The following GPC3 variants were observed in gnomAD, a reference collection of about 807,000 sequenced individuals.
The protein encoded by GPC3 is glypican 3.
Under a neutral mutation model 34.4 loss-of-function variants are expected in GPC3, and 3 were observed. That is an observed-to-expected ratio of 0.09 (90% CI 0.04 to 0.23). The LOEUF (loss-of-function observed/expected upper bound fraction) is 0.23, where lower values mean the gene tolerates loss of function less well. Among genes scored for constraint, GPC3 ranks in the 10% least tolerant of loss-of-function variants. GPC3 has a pLI of 1.00. For missense variants in GPC3, 351 were observed against 445.6 expected (o/e 0.79, Z 1.91); for synonymous variants, 177 against 174.0 (o/e 1.02, Z -0.13).
chrX:133,607,100 A>T (rs1296670224), intron 6 of GPC3, among the ~76,000 whole-genome samples: 2 of 110,810 alleles, frequency 1.8e-5, no homozygotes, highest in African/African-American at 6.6e-5. Flanking sequence ...CTCTTAGTTG[A>T]TCTATATGGG....
At chrX:133,889,594 T>C (rs1002685681) in intron 2 of GPC3, among the ~76,000 whole-genome samples, 1 of 111,552 alleles carries the variant, frequency 9.0e-6, no homozygotes, top group African/African-American at 3.3e-5. Flanking sequence ...ATACATTCCC[T>C]TTTTGGATTG....
At chrX:133,697,589 A>AC (rs1488380439) in intron 4 of GPC3, among the ~76,000 whole-genome samples, 2 of 110,891 alleles carry the variant, frequency 1.8e-5, no homozygotes, top group East Asian at 2.8e-4. Flanking sequence ...TTTGGCACTC[A>AC]CCCCCCAATG....
In GPC3 at chrX:133,671,050, TC is replaced by T. The variant is rs1218584691; in HGVS notation, c.1293-9201del. On this transcript the variant is annotated intron_variant, in intron 5 of 7. Coordinates refer to ENST00000370818, the MANE Select transcript of GPC3 (RefSeq NM_004484.4). Reference sequence around the variant, plus strand: ...CAGGGGAAACAAATGGTCATTGATGTCCTTGACCCCAGGAAGGCAACAGTGC... The same window carrying T: ...CAGGGGAAACAAATGGTCATTGATGTCTTGACCCCAGGAAGGCAACAGTGC... 1.1e-5 allele frequency: 6 copies of T among 560,124 alleles called. 1 individual carries two copies. In the Admixed American group the frequency reaches 1.3e-4, roughly 13 times the overall value. The allele number at this position is 560,124 out of a possible 1,213,427, so 46.2% of individuals were successfully genotyped here.
At chrX:133,796,919 G>T (rs750056000) in intron 2 of GPC3, among the ~76,000 whole-genome samples, 7 of 110,995 alleles carry the variant, frequency 6.3e-5, no homozygotes, top group Non-Finnish European at 1.3e-4. Context: ...AAGCTCCTAG[G>T]ATACACAGTG....
chrX:133,950,041 A>G (rs916218198), intron 2 of GPC3, among the ~76,000 whole-genome samples: 1 of 112,004 alleles, frequency 8.9e-6, no homozygotes, highest in Admixed American at 9.5e-5. Context: ...CACTATTGTT[A>G]TCATCATAAC....
intron 3 of GPC3, among the ~76,000 whole-genome samples, chrX:133,723,237 G>A (rs1443242067): frequency 1.8e-5 from 2 of 111,149 alleles, no homozygotes; most frequent in South Asian, 7.7e-4. Context: ...CATGGACATC[G>A]GAGCTGGCAG....
chrX:133,979,549 G>C (rs763668597), intron 1 of GPC3, among the ~76,000 whole-genome samples: 1 of 111,598 alleles, frequency 9.0e-6, no homozygotes, highest in East Asian at 2.8e-4. Context: ...TTCAAGTAAG[G>C]CTACAATGTT....
intron 2 of GPC3, among the ~76,000 whole-genome samples, chrX:133,821,826 A>AT (rs2075720351): frequency 8.9e-6 from 1 of 112,128 alleles, no homozygotes; most frequent in Non-Finnish European, 1.9e-5. Flanking sequence ...CAAATAAAGT[A>AT]TTAATAATCC....
intron 2 of GPC3, among the ~76,000 whole-genome samples, chrX:133,825,666 T>G (rs181018233): frequency 4.5e-5 from 5 of 111,604 alleles, no homozygotes; most frequent in African/African-American, 1.6e-4. Flanking sequence ...GCTTTGGAAA[T>G]CTTAGACATA....
chrX:133,705,477 G>T (rs1338286384), intron 3 of GPC3, among the ~76,000 whole-genome samples: 1 of 112,091 alleles, frequency 8.9e-6, no homozygotes, highest in Non-Finnish European at 1.9e-5. Flanking sequence ...CACAGAATGG[G>T]TATTATTAGC....
chrX:133,630,347 C>G (rs1270754205), intron 6 of GPC3, among the ~76,000 whole-genome samples: 3 of 111,878 alleles, frequency 2.7e-5, no homozygotes, highest in African/African-American at 9.7e-5. Context: ...ACCATGACAT[C>G]CTCCTTTAAC....
At chrX:133,925,286 G>C (rs918899925) in intron 2 of GPC3, among the ~76,000 whole-genome samples, 2 of 110,294 alleles carry the variant, frequency 1.8e-5, no homozygotes. Flanking sequence ...AAATCCAGTG[G>C]ATATACTGAT....
intron 1 of GPC3, among the ~76,000 whole-genome samples, chrX:133,978,277 T>C (rs2076524806): frequency 2.7e-5 from 3 of 112,069 alleles, no homozygotes; most frequent in African/African-American, 9.7e-5. Flanking sequence ...CTTGATGCCT[T>C]AGGTAAGAAA....
At chrX:133,871,635 C>A (rs1030207346) in intron 2 of GPC3, among the ~76,000 whole-genome samples, 1 of 111,952 alleles carries the variant, frequency 8.9e-6, no homozygotes, top group East Asian at 2.8e-4. Flanking sequence ...TTAAAAATAC[C>A]AGGCAAGAGA....
intron 3 of GPC3, among the ~76,000 whole-genome samples, chrX:133,720,670 A>G (rs1029012637): frequency 1.8e-5 from 2 of 112,225 alleles, no homozygotes; most frequent in African/African-American, 6.5e-5. Context: ...TGGATAAAGA[A>G]AATATGATAT....
chrX:133,868,343 G>T (rs1015113602), intron 2 of GPC3, among the ~76,000 whole-genome samples: 58 of 112,268 alleles, frequency 5.2e-4, no homozygotes, highest in African/African-American at 1.6e-3. Flanking sequence ...CTGTGAGGGG[G>T]ATCAGGGAAC....
chrX:133,922,667 C>T (rs770769713), intron 2 of GPC3, among the ~76,000 whole-genome samples: 9 of 110,257 alleles, frequency 8.2e-5, no homozygotes, highest in African/African-American at 3.0e-4. Flanking sequence ...CACCAACCGC[C>T]CCCTTGCCCC....
At chrX:133,603,877 C>A (rs1034710328) in intron 6 of GPC3, among the ~76,000 whole-genome samples, 3 of 111,462 alleles carry the variant, frequency 2.7e-5, no homozygotes, top group Non-Finnish European at 5.6e-5. Context: ...TGTGCTTGGT[C>A]CATGGGAGAT....
intron 2 of GPC3, among the ~76,000 whole-genome samples, chrX:133,942,673 T>C (rs1290272205): frequency 9.0e-6 from 1 of 111,712 alleles, no homozygotes; most frequent in Non-Finnish European, 1.9e-5. Context: ...GTTTTTTCAT[T>C]TTCTCTAATT....
Sources: gnomAD v4.1 joint callset for allele counts (sites outside exome capture counted in the v4.1 genomes callset) on GRCh38, gnomAD v4.1.1 for gene constraint, MANE v1.5 for transcripts, NCBI Gene and HGNC (gene_info 2026-07-23, HGNC 2026-07-21) for gene names.